Variants in MBP observed in about 807,000 individuals in gnomAD.
MBP encodes the protein Golli-MBP.
A neutral mutation model predicts 35.8 loss-of-function variants in MBP; 16 were observed. The observed-to-expected ratio is 0.45, with a 90% CI of 0.30 to 0.68. The LOEUF is 0.68. Ranked by LOEUF, MBP falls within the 30% of genes least tolerant of loss-of-function variation. MBP has a pLI of 0.08. For synonymous variants in MBP, 143 were observed against 159.6 expected (o/e 0.90, Z 0.78); for missense variants, 380 against 404.7 (o/e 0.94, Z 0.52).
At position 76,988,435 on chromosome 18, in the gene MBP, T is replaced by G; in HGVS notation, c.750+60A>C. Reference sequence around the variant, plus strand: ...CCGAAACAGAGCAGAACACAAAAGTTGCGGGGCTGTGAGGACTGGGACGGA... The same window carrying G: ...CCGAAACAGAGCAGAACACAAAAGTGGCGGGGCTGTGAGGACTGGGACGGA... On this transcript the variant is annotated intron_variant, in intron 7 of 8. Transcript: ENST00000355994. The surrounding 1 kb of genome is among the most constrained non-coding windows in gnomAD (Gnocchi z 5.2). The G allele has an allele frequency of 6.2e-7, 1 of 1,614,144 alleles. No individual in the cohort carries two copies. The highest frequency in any genetic ancestry group is 2.2e-5 in the East Asian group (1 of 44,882).
chr18:76,999,457 A>C (rs901554179), intron 4 of MBP, among the ~76,000 whole-genome samples: 5 of 150,066 alleles, frequency 3.3e-5, no homozygotes, highest in African/African-American at 9.8e-5. Flanking sequence ...TGTTTAGTTT[A>C]GGTATTTTTT....
At chr18:77,070,468 G>A (rs148441007) in intron 2 of MBP, among the ~76,000 whole-genome samples, 3 of 152,170 alleles carry the variant, frequency 2.0e-5, no homozygotes, top group African/African-American at 2.4e-5. Context: ...CCCCTATATC[G>A]TAAGGAGCAC....
intron 4 of MBP, chr18:77,002,727 C>T (rs761260454): frequency 1.3e-5 from 2 of 152,166 alleles, no homozygotes; most frequent in African/African-American, 4.8e-5. Flanking sequence ...GCATGCCAAG[C>T]GAGACTCTTG....
intron 1 of MBP, among the ~76,000 whole-genome samples, chr18:77,132,067 A>AC (rs889007385): frequency 2.6e-5 from 4 of 151,164 alleles, no homozygotes; most frequent in African/African-American, 4.9e-5. Flanking sequence ...AGCCGGGAGG[A>AC]CCCCCCAGCC....
At chr18:77,091,779 A>G (rs967208170) in intron 2 of MBP, among the ~76,000 whole-genome samples, 2 of 151,918 alleles carry the variant, frequency 1.3e-5, no homozygotes, top group African/African-American at 4.8e-5. Context: ...CACACACACC[A>G]CACACACATC....
intron 1 of MBP, chr18:77,127,872 AAT>A (rs1977108064): frequency 6.6e-6 from 1 of 152,162 alleles, no homozygotes; most frequent in African/African-American, 2.4e-5. Context: ...AAAAAAAAAA[AAT>A]AGTGGCAATA....
At chr18:77,009,101 G>C (rs762622366) in intron 4 of MBP, among the ~76,000 whole-genome samples, 30 of 152,186 alleles carry the variant, frequency 2.0e-4, no homozygotes, top group Non-Finnish European at 3.5e-4. Flanking sequence ...GGGTCTGGAG[G>C]GGGGCCTGGT....
chr18:77,074,339 C>CGGGTCTCAAGGGGGTTCAGTGAGCCT (rs1407999660), intron 2 of MBP, among the ~76,000 whole-genome samples: 10 of 150,632 alleles, frequency 6.6e-5, no homozygotes, highest in Admixed American at 2.0e-4. Flanking sequence ...TCAGTGAGCC[C>CGGGTCTCAAGGGGGTTCAGTGAGCCT]GGGTCTCAAG....
intron 8 of MBP, chr18:76,981,147 G>A (rs991134975): frequency 4.6e-5 from 7 of 152,326 alleles, no homozygotes; most frequent in African/African-American, 1.2e-4. Flanking sequence ...CGGTGTGGAG[G>A]TAGCCAGGCG....
At chr18:76,980,713 A>C in intron 8 of MBP, 1 of 541,522 alleles carries the variant, frequency 1.8e-6, no homozygotes, top group Non-Finnish European at 3.3e-6. Context: ...GGCCCCAGGG[A>C]GTGGTGCCTG....
At chr18:77,013,920 G>C (rs774282439) in intron 4 of MBP, 2 of 985,278 alleles carry the variant, frequency 2.0e-6, no homozygotes, top group African/African-American at 3.5e-5. Context: ...ACACTCAAGT[G>C]GCCTCAGATA....
At chr18:76,990,157 A>T (rs1599479268) in intron 4 of MBP, 97 bp from the exon 5 acceptor site, 8 of 604,952 alleles carry the variant, frequency 1.3e-5, no homozygotes, top group Non-Finnish European at 1.4e-5. Flanking sequence ...TGTAATCTGG[A>T]TTTTTTTTTT....
intron 4 of MBP, among the ~76,000 whole-genome samples, chr18:77,008,568 C>T (rs1027512024): frequency 6.6e-6 from 1 of 152,188 alleles, no homozygotes; most frequent in African/African-American, 2.4e-5. Context: ...TCCTTCTCCC[C>T]AGCCGCAGCC....
intron 3 of MBP, among the ~76,000 whole-genome samples, chr18:77,029,212 C>T (rs1972426980): frequency 6.9e-6 from 1 of 144,034 alleles, no homozygotes; most frequent in Non-Finnish European, 1.6e-5. Flanking sequence ...AGCTGGAGAC[C>T]AGCCCGGCCA....
intron 4 of MBP, among the ~76,000 whole-genome samples, chr18:77,008,660 C>T (rs545377134): frequency 1.3e-5 from 2 of 152,302 alleles, no homozygotes; most frequent in South Asian, 2.1e-4. Flanking sequence ...GGCCCTTCTG[C>T]CCCCAAGCCC....
intron 3 of MBP, among the ~76,000 whole-genome samples, chr18:77,059,136 T>C (rs1973863355): frequency 6.6e-6 from 1 of 152,216 alleles, no homozygotes. Context: ...GAAAAAACCC[T>C]ACTGAAATCA....
rs898885379 is a variant in MBP, at chr18:77,067,638, C to A, written c.52-1253G>T. On this transcript the variant is annotated intron_variant, in intron 2 of 8. Transcript: ENST00000355994. Reference sequence around the variant, plus strand: ...GAGCGGGCGTCAGTGCTGTGGGCAGCCGCGCTGGCCCTGGTGCTACCCACC... The same window carrying A: ...GAGCGGGCGTCAGTGCTGTGGGCAGACGCGCTGGCCCTGGTGCTACCCACC... 1.6e-4 allele frequency among the ~76,000 whole-genome samples: 24 copies of A among 152,172 alleles called. 1 individual carries two copies. Among genetic ancestry groups the A allele is most frequent in the Non-Finnish European group, 1.5e-5 (1 of 68,032 alleles).
chr18:77,027,905 T>C (rs1182465097), intron 3 of MBP, among the ~76,000 whole-genome samples: 1 of 152,216 alleles, frequency 6.6e-6, no homozygotes, highest in Non-Finnish European at 1.5e-5. Context: ...CTCAGGGTTG[T>C]CTCAAACTTC....
At chr18:77,112,396 C>T (rs566556943) in intron 1 of MBP, among the ~76,000 whole-genome samples, 5 of 152,332 alleles carry the variant, frequency 3.3e-5, no homozygotes, top group African/African-American at 1.2e-4. Flanking sequence ...GATGGCAAAC[C>T]GAACATGAGG....
Sources: gnomAD v4.1 joint callset for allele counts (sites outside exome capture counted in the v4.1 genomes callset) on GRCh38, gnomAD v4.1.1 for gene constraint, Gnocchi (gnomAD v3.1) non-coding constraint, MANE v1.5 for transcripts, NCBI Gene and HGNC (gene_info 2026-07-23, HGNC 2026-07-21) for gene names.